The following ATL2 variants were observed in gnomAD, a reference collection of about 807,000 sequenced individuals.
ATL2 encodes atlastin-2.
A neutral mutation model predicts 73.9 loss-of-function variants in ATL2; 31 were observed. That is an observed-to-expected ratio of 0.42 (90% confidence interval 0.32 to 0.57). The LOEUF is 0.57. Ranked by LOEUF, ATL2 falls within the 20% of genes least tolerant of loss-of-function variation. The probability of loss-of-function intolerance (pLI) is 0.14; values close to 1 mark genes in which losing one functional copy is unlikely to be tolerated. For synonymous variants in ATL2, 291 were observed against 237.5 expected, an observed-to-expected ratio of 1.23 and a Z score of -2.07; for missense variants, 738 against 702.6, an observed-to-expected ratio of 1.05 and a Z score of -0.57.
chr2:38,358,982 G>A (rs17022598), intron 1 of ATL2, among the ~76,000 whole-genome samples: 18,268 of 152,096 alleles, frequency 0.12, 3,228 homozygotes, highest in African/African-American at 0.39. Flanking sequence ...ATCTGGTCCT[G>A]TAAAACATTA....
At chr2:38,302,283 G>A (rs954299387) in intron 9 of ATL2, among the ~76,000 whole-genome samples, 7 of 151,870 alleles carry the variant, frequency 4.6e-5, no homozygotes, top group African/African-American at 1.7e-4. Context: ...GCTATGAGGA[G>A]AGTCTCCTGC....
intron 2 of ATL2, among the ~76,000 whole-genome samples, chr2:38,338,693 A>G (rs560959173): frequency 6.6e-6 from 1 of 152,272 alleles, no homozygotes; most frequent in African/African-American, 2.4e-5. Context: ...ACTAAAAAAT[A>G]TCAAGTCTGC....
intron 1 of ATL2, among the ~76,000 whole-genome samples, chr2:38,364,165 G>C (rs921728733): frequency 6.6e-6 from 1 of 152,140 alleles, no homozygotes; most frequent in Non-Finnish European, 1.5e-5. Context: ...AGGAGGCTGA[G>C]GCAGAAGAAT....
Position 38,350,773 on chromosome 2 carries a change from A to C in ATL2, c.119-7261T>G, listed in dbSNP as rs1047132770. Among the ~76,000 whole-genome samples, 24 of 152,118 alleles carry C rather than the reference A, an allele frequency of 1.6e-4. 1 individual carries two copies. Among genetic ancestry groups the C allele is most frequent in the Admixed American group, 3.3e-4 (5 of 15,274 alleles). ...AGCTAAAATTGCTCTAAAAAAAAAA[A>C]CCAAAAAAGTCTATTTAAATAAGAC... On this transcript the variant is annotated intron_variant, in intron 1 of 12. Coordinates refer to ENST00000378954, the MANE Select transcript of ATL2 (RefSeq NM_001135673.4).
intron 1 of ATL2, among the ~76,000 whole-genome samples, chr2:38,365,947 CAA>C (rs11430901): frequency 6.8e-6 from 1 of 146,744 alleles, no homozygotes; most frequent in African/African-American, 2.5e-5. Context: ...AACTCTGTCT[CAA>C]AAAAAAAGAG....
At position 38,295,005 on chromosome 2, in the gene ATL2, G is replaced by A. The variant is rs924476974; in HGVS notation, c.*989C>T. The A allele has an allele frequency of 7.0e-6, 1 of 143,874 alleles. No individual in the cohort carries two copies. Among genetic ancestry groups the A allele is most frequent in the Non-Finnish European group, 1.5e-5 (1 of 65,564 alleles). 8.9% of individuals were successfully genotyped at this position (143,874 alleles called of 1,614,324 possible). A position where few individuals can be genotyped will look rare whatever the true frequency, so the allele number is the denominator to read the frequency against. On this transcript the variant is annotated 3_prime_UTR_variant, in exon 13 of 13. Transcript: ENST00000378954. ...CCCATTGAATTCCCTTGGTGGGCGGGGGGGGGGTGAGATTGCAGTGCTCAA... is the reference window on the plus strand; with the variant it reads ...CCCATTGAATTCCCTTGGTGGGCGGAGGGGGGGTGAGATTGCAGTGCTCAA...
intron 2 of ATL2, among the ~76,000 whole-genome samples, chr2:38,332,708 T>G (rs1669070570): frequency 6.6e-6 from 1 of 152,168 alleles, no homozygotes; most frequent in African/African-American, 2.4e-5. Flanking sequence ...AAAACCCACT[T>G]GTATAACACT....
intron 4 of ATL2, 182 bp downstream of exon 4, chr2:38,318,353 C>G (rs1668138731): frequency 2.5e-6 from 1 of 407,108 alleles, no homozygotes; most frequent in Non-Finnish European, 4.4e-6. Flanking sequence ...GTGGCGGGGG[C>G]CTGTAATCTC....
intron 1 of ATL2, among the ~76,000 whole-genome samples, chr2:38,343,761 C>T (rs1008257250): frequency 2.0e-5 from 3 of 152,120 alleles, no homozygotes; most frequent in African/African-American, 7.2e-5. Flanking sequence ...CCCACAATTT[C>T]CACATGTTGT....
At position 38,294,345 on chromosome 2, in the gene ATL2, G is replaced by C. The variant is rs1309146937; in HGVS notation, c.*1649C>G. Among the ~76,000 whole-genome samples, 1 of 152,212 alleles carries C rather than the reference G, an allele frequency of 6.6e-6. No individual in the cohort carries two copies. Among genetic ancestry groups the C allele is most frequent in the Non-Finnish European group, 1.5e-5 (1 of 68,038 alleles). On this transcript the variant is annotated 3_prime_UTR_variant, in exon 13 of 13. Coordinates refer to ENST00000378954, the MANE Select transcript of ATL2 (RefSeq NM_001135673.4). ...AGGCGGATCACAAGGTCAGGCGATT[G>C]AGACCATCCTGGCTAAAACGGTGAA...
Position 38,298,272 on chromosome 2 carries a change from C to T in ATL2, c.1504G>A (p.Val502Ile). Residue 502 changes from valine (V) to isoleucine (I), a missense_variant, in exon 12 of 13, where the codon GTC becomes ATC. Transcript: ENST00000378954. ...TGFIGLNSIAVLCNLVMGLAL... is the reference protein window; with the variant it reads ...TGFIGLNSIAILCNLVMGLAL... ...AACCCCATGACAAGGTTACACAAGA[C>T]AGCTATAGAGTTTAGGCCAATGAAG... 1 of 1,614,142 alleles carries T rather than the reference C, an allele frequency of 6.2e-7. No homozygotes were observed. Among genetic ancestry groups the T allele is most frequent in the Non-Finnish European group, 8.5e-7 (1 of 1,180,010 alleles).
At chr2:38,358,919 A>G (rs1382336960) in intron 1 of ATL2, among the ~76,000 whole-genome samples, 1 of 152,124 alleles carries the variant, frequency 6.6e-6, no homozygotes, top group Non-Finnish European at 1.5e-5. Context: ...TTTTTGAAGG[A>G]AAAAAACAGC....
At chr2:38,303,013 A>G (rs761244472) in intron 9 of ATL2, among the ~76,000 whole-genome samples, 26 of 152,184 alleles carry the variant, frequency 1.7e-4, no homozygotes, top group African/African-American at 6.3e-4. Flanking sequence ...AGAGACAGAG[A>G]TAACTGACCT....
chr2:38,312,720 A>AG (rs967398860), intron 7 of ATL2, among the ~76,000 whole-genome samples: 1 of 149,632 alleles, frequency 6.7e-6, no homozygotes, highest in Non-Finnish European at 1.5e-5. Flanking sequence ...AAAAAAAAAA[A>AG]AAAAAGAAGG....
intron 3 of ATL2, 76 bp from the exon 4 acceptor site, chr2:38,318,715 T>A (rs1012706120): frequency 1.4e-6 from 2 of 1,380,742 alleles, no homozygotes; most frequent in African/African-American, 1.5e-5. Flanking sequence ...AATGATAAAT[T>A]TGAAAAGCAG....
intron 1 of ATL2, among the ~76,000 whole-genome samples, chr2:38,369,591 T>A (rs1671547889): frequency 6.6e-6 from 1 of 151,474 alleles, no homozygotes; most frequent in Non-Finnish European, 1.5e-5. Flanking sequence ...CGGCCAATTT[T>A]TTTTTTTTAA....
chr2:38,307,095 C>T lies in ATL2; in HGVS notation c.1071+2284G>A, dbSNP rs111418371. ...ATTGGTGGCCAGGTATGATGGCTCA[C>T]ACCTGTAATCCCAGCACTTTGGGAG... On this transcript the variant is annotated intron_variant, in intron 9 of 12. Coordinates refer to ENST00000378954, the MANE Select transcript of ATL2 (RefSeq NM_001135673.4). Among the ~76,000 whole-genome samples, 331 of 152,250 alleles carry T rather than the reference C, an allele frequency of 2.2e-3. 5 individuals are homozygous for T. Among genetic ancestry groups the T allele is most frequent in the African/African-American group, 7.4e-3 (306 of 41,562 alleles).
intron 2 of ATL2, among the ~76,000 whole-genome samples, chr2:38,319,689 T>G (rs1271904257): frequency 6.6e-6 from 1 of 152,100 alleles, no homozygotes; most frequent in Non-Finnish European, 1.5e-5. Context: ...CACCAATTAT[T>G]TTAACATGTT....
chr2:38,373,250 T>C (rs1314080610), intron 1 of ATL2, among the ~76,000 whole-genome samples: 1 of 152,172 alleles, frequency 6.6e-6, no homozygotes, highest in Non-Finnish European at 1.5e-5. Flanking sequence ...ATCTTTGCAA[T>C]AAAAGATAAA....
Sources: gnomAD v4.1 joint callset for allele counts (sites outside exome capture counted in the v4.1 genomes callset) on GRCh38, gnomAD v4.1.1 for gene constraint, MANE v1.5 for transcripts, NCBI Gene and HGNC (gene_info 2026-07-23, HGNC 2026-07-21) for gene names.